Variants in EXOC2 observed in about 807,000 individuals in gnomAD.
The protein encoded by EXOC2 is SEC5-like 1.
In EXOC2, 70 loss-of-function variants were observed where a neutral mutation model predicts 131.8. The ratio of observed to expected loss-of-function variants is 0.53; its 90% CI spans 0.44 to 0.65. EXOC2 has a LOEUF of 0.65. EXOC2 is among the 30% of genes least tolerant of loss of function. The pLI, the probability that EXOC2 is intolerant of heterozygous loss-of-function variation, is 0.00. For missense variants in EXOC2, 923 were observed against 1,108.6 expected (o/e 0.83, Z 2.38); for synonymous variants, 411 against 398.4 (o/e 1.03, Z -0.38).
intron 1 of EXOC2, 134 bp from the exon 2 acceptor site, chr6:637,995 C>CATTTAGCTG: frequency 1.7e-6 from 1 of 587,686 alleles, no homozygotes; most frequent in Non-Finnish European, 2.9e-6. Flanking sequence ...TTTTAGGGGT[C>CATTTAGCTG]ATTTAGCCAA....
At chr6:542,180 T>C (rs1313527885) in intron 22 of EXOC2, among the ~76,000 whole-genome samples, 3 of 152,182 alleles carry the variant, frequency 2.0e-5, no homozygotes, top group African/African-American at 7.2e-5. Context: ...CTGGGATGCT[T>C]TGTTCCTTCA....
At chr6:590,907 T>G (rs1759504624) in intron 11 of EXOC2, among the ~76,000 whole-genome samples, 1 of 152,156 alleles carries the variant, frequency 6.6e-6, no homozygotes, top group Admixed American at 6.5e-5. Flanking sequence ...CATCTCTACT[T>G]ACATGTCAGA....
chr6:653,101 T>C (rs1762906650), intron 1 of EXOC2, among the ~76,000 whole-genome samples: 1 of 152,212 alleles, frequency 6.6e-6, no homozygotes, highest in African/African-American at 2.4e-5. Context: ...TAAATGTGTG[T>C]GTGACTGTTC....
intron 11 of EXOC2, among the ~76,000 whole-genome samples, chr6:585,126 T>C (rs1759132710): frequency 6.6e-6 from 1 of 152,332 alleles, no homozygotes; most frequent in Non-Finnish European, 1.5e-5. Flanking sequence ...GCTTTGAACA[T>C]AGGGGAAGAG....
intron 1 of EXOC2, among the ~76,000 whole-genome samples, chr6:675,588 C>T (rs1365950756): frequency 2.4e-5 from 1 of 41,000 alleles, no homozygotes; most frequent in African/African-American, 6.2e-5. Context: ...AGGACAGCCT[C>T]CTCTGGCAAC....
chr6:607,707 T>G (rs1156251162), intron 7 of EXOC2, among the ~76,000 whole-genome samples: 3 of 152,270 alleles, frequency 2.0e-5, no homozygotes, highest in Admixed American at 2.0e-4. Context: ...TGCTGTTCTA[T>G]ATATTTGAAA....
chr6:521,325 C>A (rs1221197725), intron 23 of EXOC2, among the ~76,000 whole-genome samples: 1 of 152,152 alleles, frequency 6.6e-6, no homozygotes, highest in African/African-American at 2.4e-5. Context: ...AAAACCACCA[C>A]GCACTGAGTG....
chr6:594,801 G>A (rs1253961042), intron 10 of EXOC2, among the ~76,000 whole-genome samples: 1 of 152,096 alleles, frequency 6.6e-6, no homozygotes, highest in East Asian at 1.9e-4. Flanking sequence ...AACTTGTGCT[G>A]GGCTCTTCAA....
At chr6:614,922 A>G (rs1760904823) in intron 6 of EXOC2, among the ~76,000 whole-genome samples, 1 of 125,314 alleles carries the variant, frequency 8.0e-6, no homozygotes, top group Non-Finnish European at 1.6e-5. Context: ...AAAATTTACT[A>G]AAAACTACTA....
At chr6:500,102 A>T (rs553684021) in intron 23 of EXOC2, among the ~76,000 whole-genome samples, 1 of 151,334 alleles carries the variant, frequency 6.6e-6, no homozygotes, top group Admixed American at 6.6e-5. Flanking sequence ...ATACTGTAAA[A>T]CACACACACA....
chr6:692,614 G>A (rs1453407109), intron 1 of EXOC2, among the ~76,000 whole-genome samples: 1 of 152,270 alleles, frequency 6.6e-6, no homozygotes, highest in Non-Finnish European at 1.5e-5. Context: ...TAGGCAGACA[G>A]GTAACACCCG....
At chr6:508,103 C>G (rs781445326) in intron 23 of EXOC2, among the ~76,000 whole-genome samples, 1 of 152,132 alleles carries the variant, frequency 6.6e-6, no homozygotes, top group Non-Finnish European at 1.5e-5. Context: ...TGCTAAATTT[C>G]ATTCTGTAAT....
Position 618,404 on chromosome 6 carries a change from T to TA in EXOC2, c.537-570dup, listed in dbSNP as rs539382974. Among the ~76,000 whole-genome samples the TA allele has an allele frequency of 2.2e-4, 33 of 152,332 alleles. No individual in the cohort carries two copies. In the East Asian group the frequency reaches 5.8e-3, roughly 27 times the overall value. ...TCTCAATATCTAAAGCAGAGAAAAC[T>TA]AAAGACAGGCCTCTGTATTTCAGAA... On this transcript the variant is annotated intron_variant, in intron 5 of 27. Transcript: ENST00000230449.
intron 23 of EXOC2, among the ~76,000 whole-genome samples, chr6:511,845 A>G (rs557528144): frequency 2.3e-4 from 35 of 152,246 alleles, no homozygotes; most frequent in Non-Finnish European, 3.5e-4. Flanking sequence ...TTGAGATTCT[A>G]TTAGCAATGA....
In EXOC2 at chr6:656,969, G is replaced by A. The variant is rs751619944; in HGVS notation, c.-43-19108C>T. On this transcript the variant is annotated intron_variant, in intron 1 of 27. Transcript: ENST00000230449. ...TGATGCCACAGGGAAGGCAGCTGGG[G>A]GCCTCTGAGGGGGATTCCGCGTGCC... The A allele has an allele frequency of 6.7e-6, 10 of 1,491,944 alleles. No individual in the cohort carries two copies. In the South Asian group the frequency reaches 1.1e-4, roughly 16 times the overall value. The allele number at this position is 1,491,944 out of a possible 1,614,324, so 92.4% of individuals were successfully genotyped here.
At chr6:584,161 C>G (rs12530439) in intron 11 of EXOC2, among the ~76,000 whole-genome samples, 50,683 of 152,004 alleles carry the variant, frequency 0.33, 8,882 homozygotes, top group Middle Eastern at 0.47. Flanking sequence ...AAATTATTTG[C>G]GTGGTTCCAC....
Position 619,449 on chromosome 6 carries a change from C to T in EXOC2, c.517G>A (p.Glu173Lys). 2 of 1,613,924 alleles carry T rather than the reference C, an allele frequency of 1.2e-6. No individual in the cohort carries two copies. The highest frequency in any genetic ancestry group is 1.1e-5 in the South Asian group (1 of 91,074). The change falls in exon 5 of 28, where the codon GAG becomes AAG. Residue 173 changes from glutamate to lysine, a missense_variant. Glu to Lys is a moderately conservative substitution (Grantham distance 56). Coordinates refer to ENST00000230449, the MANE Select transcript of EXOC2 (RefSeq NM_018303.6). ...ENFSAAWYLI[E>K]NHSNTSFEQL... ...ACTAACCTGGTGTTTGAGTGATTCT[C>T]TATAAGATACCAGGCTGCTGAGAAA...
chr6:599,528 T>C (rs1460949781), intron 7 of EXOC2, among the ~76,000 whole-genome samples: 5 of 152,214 alleles, frequency 3.3e-5, no homozygotes, highest in Admixed American at 2.6e-4. Context: ...ATAGCAATTA[T>C]GGGCCCTTAG....
At chr6:499,814 A>C in intron 23 of EXOC2, 114 bp from the exon 24 acceptor site, 2 of 747,262 alleles carry the variant, frequency 2.7e-6, no homozygotes, top group Non-Finnish European at 4.7e-6. Context: ...ACAGAAAGTA[A>C]CACCACCACT....
Sources: allele counts gnomAD v4.1 joint callset (sites outside exome capture counted in the v4.1 genomes callset), GRCh38; gene constraint gnomAD v4.1.1; transcripts MANE v1.5; gene names NCBI Gene and HGNC (gene_info 2026-07-23, HGNC 2026-07-21).